CDKAL1: variants seen among roughly 807,000 people sequenced by gnomAD.
CDKAL1 encodes threonylcarbamoyladenosine tRNA methylthiotransferase.
In CDKAL1, 32 loss-of-function variants were observed where a neutral mutation model predicts 68.2. The observed-to-expected ratio is 0.47, with a 90% CI of 0.35 to 0.63. CDKAL1 has a LOEUF of 0.63. CDKAL1 is among the 30% of genes least tolerant of loss of function. The probability of loss-of-function intolerance (pLI) is 0.00; values close to 1 mark genes in which losing one functional copy is unlikely to be tolerated. For synonymous variants in CDKAL1, 234 were observed against 244.3 expected (o/e 0.96, Z 0.39); for missense variants, 606 against 696.7 (o/e 0.87, Z 1.47).
intron 5 of CDKAL1, among the ~76,000 whole-genome samples, chr6:20,682,583 A>G (rs1316540228): frequency 4.6e-5 from 7 of 152,066 alleles, no homozygotes; most frequent in Non-Finnish European, 1.0e-4. Context: ...TATCAGGAGA[A>G]CAGCAAGGGG....
chr6:20,617,702 A>T (rs538558806), intron 4 of CDKAL1, among the ~76,000 whole-genome samples: 1 of 152,130 alleles, frequency 6.6e-6, no homozygotes, highest in East Asian at 1.9e-4. Flanking sequence ...TTTGCTTAGA[A>T]TGATGGTTTC....
chr6:20,861,393 G>A (rs976149454), intron 9 of CDKAL1, among the ~76,000 whole-genome samples: 2 of 152,228 alleles, frequency 1.3e-5, no homozygotes, highest in African/African-American at 4.8e-5. Context: ...CAGAGGCCAT[G>A]TGTGCCATGG....
chr6:20,648,924 C>G (rs1481430705), intron 4 of CDKAL1, among the ~76,000 whole-genome samples: 2 of 152,182 alleles, frequency 1.3e-5, no homozygotes, highest in African/African-American at 2.4e-5. Flanking sequence ...AGTGTACACT[C>G]TGTGCCTGAA....
intron 9 of CDKAL1, among the ~76,000 whole-genome samples, chr6:20,886,882 G>T (rs981149426): frequency 1.3e-5 from 2 of 152,156 alleles, no homozygotes; most frequent in African/African-American, 4.8e-5. Context: ...AAAGAGCTCT[G>T]TTAAAATGAA....
intron 11 of CDKAL1, among the ~76,000 whole-genome samples, chr6:21,021,570 C>T (rs1768670296): frequency 6.6e-6 from 1 of 152,154 alleles, no homozygotes; most frequent in Admixed American, 6.5e-5. Flanking sequence ...GTTGAACGTA[C>T]AGTTCAGTGG....
intron 5 of CDKAL1, among the ~76,000 whole-genome samples, chr6:20,725,009 T>C (rs7767391): frequency 0.28 from 42,871 of 152,052 alleles, 7,274 homozygotes; most frequent in African/African-American, 0.46. Context: ...TAAAGTGCAA[T>C]GAGATTTGCA....
chr6:21,015,277 A>G (rs1768260741), intron 11 of CDKAL1, among the ~76,000 whole-genome samples: 1 of 152,268 alleles, frequency 6.6e-6, no homozygotes, highest in Non-Finnish European at 1.5e-5. Flanking sequence ...AATTTTGATC[A>G]ATGAAATCAG....
At chr6:21,076,560 G>A (rs2068071) in intron 12 of CDKAL1, among the ~76,000 whole-genome samples, 55,391 of 151,944 alleles carry the variant, frequency 0.36, 10,646 homozygotes, top group East Asian at 0.66. Flanking sequence ...TAGCTTACTC[G>A]ATAACAGAAT....
Position 20,694,976 on chromosome 6 carries a change from C to T in CDKAL1, c.372-44543C>T, listed in dbSNP as rs528178086. ...TCCCCTTCCCCTTCCACCATGAGTG[C>T]AGATTCTGGTGCCATGGGCCTTGTA... On this transcript the variant is annotated intron_variant, in intron 5 of 15. Coordinates refer to ENST00000274695, the MANE Select transcript of CDKAL1 (RefSeq NM_017774.3). 2.1e-4 allele frequency among the ~76,000 whole-genome samples: 32 copies of T among 152,280 alleles called. 1 individual carries two copies. In the South Asian group the frequency reaches 6.6e-3, roughly 32 times the overall value.
At chr6:20,998,667 G>C (rs1161945336) in intron 10 of CDKAL1, among the ~76,000 whole-genome samples, 5 of 150,728 alleles carry the variant, frequency 3.3e-5, no homozygotes, top group African/African-American at 7.3e-5. Flanking sequence ...GCCCAGAAAT[G>C]TAACAGTTTC....
intron 5 of CDKAL1, among the ~76,000 whole-genome samples, chr6:20,714,651 T>C (rs185251816): frequency 3.9e-5 from 6 of 152,270 alleles, no homozygotes; most frequent in African/African-American, 1.4e-4. Context: ...TCACCTGATA[T>C]GGGTGACATT....
At chr6:20,857,679 G>T (rs1485645508) in intron 9 of CDKAL1, among the ~76,000 whole-genome samples, 1 of 152,184 alleles carries the variant, frequency 6.6e-6, no homozygotes, top group Non-Finnish European at 1.5e-5. Flanking sequence ...TTCTAGAAAT[G>T]TTTGTCTAGA....
intron 13 of CDKAL1, among the ~76,000 whole-genome samples, chr6:21,133,849 G>A (rs1201745654): frequency 6.6e-6 from 1 of 152,196 alleles, no homozygotes; most frequent in Non-Finnish European, 1.5e-5. Context: ...AGAAGGCCAT[G>A]TGCACATTTA....
chr6:20,706,641 T>C (rs1385664368), intron 5 of CDKAL1, among the ~76,000 whole-genome samples: 1 of 152,238 alleles, frequency 6.6e-6, no homozygotes, highest in Non-Finnish European at 1.5e-5. Flanking sequence ...TATATCTGTG[T>C]CTATCTGTAT....
At chr6:20,975,714 A>T (rs1765814062) in intron 10 of CDKAL1, among the ~76,000 whole-genome samples, 1 of 152,240 alleles carries the variant, frequency 6.6e-6, no homozygotes, top group Non-Finnish European at 1.5e-5. Flanking sequence ...CATGGACAAA[A>T]TGAATGCTTC....
intron 12 of CDKAL1, among the ~76,000 whole-genome samples, chr6:21,098,950 G>T (rs1582194718): frequency 6.6e-6 from 1 of 152,146 alleles, no homozygotes; most frequent in Admixed American, 6.5e-5. Flanking sequence ...GAGCAGTAGG[G>T]AGTCCTAAAT....
At chr6:20,633,819 G>A (rs1431781947) in intron 4 of CDKAL1, among the ~76,000 whole-genome samples, 2 of 152,146 alleles carry the variant, frequency 1.3e-5, no homozygotes, top group African/African-American at 2.4e-5. Flanking sequence ...CTATTTATAT[G>A]TCTTTGGAGA....
At chr6:20,829,014 A>T (rs995116138) in intron 8 of CDKAL1, among the ~76,000 whole-genome samples, 1 of 152,154 alleles carries the variant, frequency 6.6e-6, no homozygotes, top group Non-Finnish European at 1.5e-5. Flanking sequence ...AACATGTCAC[A>T]TTTCATTTTT....
At chr6:20,917,130 A>G (rs1762756787) in intron 9 of CDKAL1, among the ~76,000 whole-genome samples, 1 of 151,982 alleles carries the variant, frequency 6.6e-6, no homozygotes, top group Non-Finnish European at 1.5e-5. Context: ...ACAGGCACAC[A>G]TCACCACGCC....
Sources: allele counts gnomAD v4.1 joint callset (sites outside exome capture counted in the v4.1 genomes callset), GRCh38; gene constraint gnomAD v4.1.1; transcripts MANE v1.5; gene names NCBI Gene and HGNC (gene_info 2026-07-23, HGNC 2026-07-21).